Variants in DLGAP2 observed in about 807,000 individuals in gnomAD.
DLGAP2 encodes disks large-associated protein 2.
A neutral mutation model predicts 100.3 loss-of-function variants in DLGAP2; 26 were observed. The observed-to-expected ratio is 0.26, with a 90% CI of 0.19 to 0.36. The LOEUF (loss-of-function observed/expected upper bound fraction) is 0.36. Ranked by LOEUF, DLGAP2 falls within the 10% of genes least tolerant of loss-of-function variation. DLGAP2 has a pLI of 1.00. For synonymous variants in DLGAP2, 886 were observed against 630.1 expected (o/e 1.41, Z -6.08); for missense variants, 1,858 against 1,453.2 (o/e 1.28, Z -4.53).
chr8:1,569,514 T>G (rs960116506), intron 6 of DLGAP2, among the ~76,000 whole-genome samples: 20 of 152,394 alleles, frequency 1.3e-4, no homozygotes, highest in South Asian at 8.3e-4. Flanking sequence ...AAATATTATG[T>G]TACCAGGAGG....
intron 3 of DLGAP2, among the ~76,000 whole-genome samples, chr8:1,324,093 C>G (rs528173609): frequency 3.3e-5 from 5 of 152,276 alleles, no homozygotes; most frequent in South Asian, 2.1e-4. Flanking sequence ...GGGCCTCTGG[C>G]TTAGTGAAAT....
At chr8:894,292 T>A (rs1798096361) in intron 1 of DLGAP2, among the ~76,000 whole-genome samples, 1 of 152,114 alleles carries the variant, frequency 6.6e-6, no homozygotes, top group African/African-American at 2.4e-5. Flanking sequence ...GGTCGAGACA[T>A]CTCTGTGTTA....
At chr8:870,244 G>A (rs961583981) in intron 1 of DLGAP2, among the ~76,000 whole-genome samples, 1 of 152,150 alleles carries the variant, frequency 6.6e-6, no homozygotes, top group African/African-American at 2.4e-5. Context: ...TCCCTGAGCT[G>A]TCATCACTTA....
At chr8:1,342,477 CTT>C (rs1801439178) in intron 3 of DLGAP2, among the ~76,000 whole-genome samples, 1 of 151,672 alleles carries the variant, frequency 6.6e-6, no homozygotes, top group African/African-American at 2.4e-5. Flanking sequence ...GTTCAGCTAA[CTT>C]TTTCTGTGAA....
At chr8:916,748 G>T (rs1244333259) in intron 2 of DLGAP2, among the ~76,000 whole-genome samples, 1 of 152,256 alleles carries the variant, frequency 6.6e-6, no homozygotes, top group Non-Finnish European at 1.5e-5. Flanking sequence ...TCACCCACTT[G>T]TTGTGATTTC....
At chr8:1,343,927 C>G (rs1052502661) in intron 3 of DLGAP2, among the ~76,000 whole-genome samples, 1 of 152,176 alleles carries the variant, frequency 6.6e-6, no homozygotes. Flanking sequence ...TGAGGTATAT[C>G]AGGGCTTTCC....
intron 2 of DLGAP2, among the ~76,000 whole-genome samples, chr8:1,005,450 C>G (rs1047321335): frequency 3.3e-5 from 5 of 149,624 alleles, no homozygotes; most frequent in Admixed American, 1.3e-4. Flanking sequence ...GCTCTGTCAC[C>G]CAGGCTGGAG....
intron 2 of DLGAP2, among the ~76,000 whole-genome samples, chr8:926,415 T>C (rs1261818610): frequency 1.3e-5 from 2 of 152,132 alleles, no homozygotes; most frequent in Non-Finnish European, 1.5e-5. Flanking sequence ...AGGCCCTGCC[T>C]CCAGGTCGGG....
At chr8:1,618,412 C>G (rs1411188319) in intron 6 of DLGAP2, among the ~76,000 whole-genome samples, 2 of 152,148 alleles carry the variant, frequency 1.3e-5, no homozygotes, top group Non-Finnish European at 2.9e-5. Flanking sequence ...AAATCGAGAG[C>G]TAGACTGTGA....
At chr8:1,345,215 A>G (rs1225388276) in intron 3 of DLGAP2, among the ~76,000 whole-genome samples, 1 of 152,260 alleles carries the variant, frequency 6.6e-6, no homozygotes, top group Non-Finnish European at 1.5e-5. Context: ...GCACTACTGT[A>G]TCCTCTGCTG....
chr8:1,056,621 G>A (rs906078974), intron 2 of DLGAP2, among the ~76,000 whole-genome samples: 21 of 152,322 alleles, frequency 1.4e-4, no homozygotes, highest in African/African-American at 4.6e-4. Context: ...CCAGGACACC[G>A]GCACACCCGT....
At chr8:1,699,407 C>T (rs890081473) in intron 14 of DLGAP2, among the ~76,000 whole-genome samples, 1 of 150,354 alleles carries the variant, frequency 6.7e-6, no homozygotes, top group Non-Finnish European at 1.5e-5. Flanking sequence ...AGATCAAGAT[C>T]ATACTGGCTA....
chr8:781,066 G>C (rs774949852), intron 1 of DLGAP2, among the ~76,000 whole-genome samples: 4 of 152,204 alleles, frequency 2.6e-5, no homozygotes, highest in Non-Finnish European at 5.9e-5. Flanking sequence ...ATGAAAATAT[G>C]TATAGATAAC....
At chr8:1,164,191 T>TGA (rs1231630104) in intron 2 of DLGAP2, among the ~76,000 whole-genome samples, 27 of 133,946 alleles carry the variant, frequency 2.0e-4, no homozygotes, top group Non-Finnish European at 3.6e-4. Flanking sequence ...TTGTGGGGAT[T>TGA]TTTCTGTGAG....
At chr8:1,336,588 T>G (rs1052577667) in intron 3 of DLGAP2, among the ~76,000 whole-genome samples, 1 of 152,192 alleles carries the variant, frequency 6.6e-6, no homozygotes, top group Non-Finnish European at 1.5e-5. Context: ...TGGTTCAGAC[T>G]AGTCACAGGG....
chr8:1,621,805 T>C (rs1797346634), intron 6 of DLGAP2: 1 of 151,900 alleles, frequency 6.6e-6, no homozygotes, highest in Non-Finnish European at 1.5e-5. Flanking sequence ...GGGTATGGCG[T>C]TTCCGAGCCT....
intron 3 of DLGAP2, among the ~76,000 whole-genome samples, chr8:1,272,254 T>A (rs1799598658): frequency 6.6e-6 from 1 of 152,190 alleles, no homozygotes; most frequent in African/African-American, 2.4e-5. Flanking sequence ...TTTCTGCAGT[T>A]AGAGATGGAA....
intron 2 of DLGAP2, among the ~76,000 whole-genome samples, chr8:997,337 G>T (rs796622127): frequency 8.5e-5 from 13 of 152,252 alleles, no homozygotes; most frequent in African/African-American, 3.1e-4. Context: ...TATCTGGGGA[G>T]CCCGGATCAT....
chr8:1,033,395 G>C (rs1398972314), intron 2 of DLGAP2, among the ~76,000 whole-genome samples: 1 of 152,194 alleles, frequency 6.6e-6, no homozygotes, highest in Non-Finnish European at 1.5e-5. Flanking sequence ...TGGGGGTGGT[G>C]GTGGCTCACA....
Sources: gnomAD v4.1 joint callset for allele counts (sites outside exome capture counted in the v4.1 genomes callset) on GRCh38, gnomAD v4.1.1 for gene constraint, MANE v1.5 for transcripts, NCBI Gene and HGNC (gene_info 2026-07-23, HGNC 2026-07-21) for gene names.